Variants in AKAP7 observed in about 807,000 individuals in gnomAD.
AKAP7 encodes the protein A-kinase anchoring protein 7.
In AKAP7, 39 loss-of-function variants were observed where a neutral mutation model predicts 39.5. That is an observed-to-expected ratio of 0.99 (90% confidence interval 0.76 to 1.29). The LOEUF is 1.29. Among genes scored for constraint, AKAP7 ranks in the 50% most tolerant of loss-of-function variants. AKAP7 has a pLI of 0.00. For missense variants in AKAP7, 414 were observed against 407.7 expected (o/e 1.02, Z -0.13); for synonymous variants, 140 against 139.1 (o/e 1.01, Z -0.05).
At chr6:131,128,597 C>A in the AKAP7 span, among the ~76,000 whole-genome samples, 2 of 151,868 alleles carry the variant, frequency 1.3e-5, no homozygotes, top group African/African-American at 4.8e-5. Context: ...CCAAGGCAGG[C>A]GGATCCCCTG....
rs981090079 is a variant in AKAP7 at position 131,181,388 on chromosome 6, C to T, written c.589+12115C>T. ...GCTGTAAATTTTCTGTCTTAAATAT[C>T]ACTCCCATTCGTTCCCTACTTTCTG... On this transcript the variant is annotated intron_variant, in intron 5 of 7. Coordinates refer to ENST00000431975, the MANE Select transcript of AKAP7 (RefSeq NM_016377.4). Among the ~76,000 whole-genome samples, 6 of 152,256 alleles carry T rather than the reference C, an allele frequency of 3.9e-5. No individual in the cohort carries two copies. In the East Asian group the frequency reaches 1.2e-3, roughly 29 times the overall value.
rs555161255 is a variant in AKAP7 at position 131,282,902 on chromosome 6, G to A, written c.*1176G>A. 3 of 252,694 alleles carry A rather than the reference G, an allele frequency of 1.2e-5. No individual in the cohort carries two copies. Among genetic ancestry groups the A allele is most frequent in the South Asian group, 8.7e-5 (1 of 11,464 alleles). 15.7% of individuals were successfully genotyped at this position (252,694 alleles called of 1,614,324 possible). ...CCTTGCAGAAAAAAACATACAGACT[G>A]TGAACAAATCATTCACAAACAGAAT... On this transcript the variant is annotated 3_prime_UTR_variant, in exon 8 of 8. Coordinates refer to ENST00000431975, the MANE Select transcript of AKAP7 (RefSeq NM_016377.4).
intron 7 of AKAP7, among the ~76,000 whole-genome samples, chr6:131,278,625 C>T (rs1814940036): frequency 6.6e-6 from 1 of 152,286 alleles, no homozygotes; most frequent in African/African-American, 2.4e-5. Context: ...GAAGGGGAAG[C>T]AGGCATATCT....
intron 1 of AKAP7, among the ~76,000 whole-genome samples, chr6:131,143,745 T>TCATTTTTA (rs531592360): frequency 7.0e-6 from 1 of 143,494 alleles, no homozygotes; most frequent in African/African-American, 2.7e-5. Context: ...ATTCTTTTTT[T>TCATTTTTA]TTTTTTATTT....
chr6:131,276,976 A>G (rs541802084), intron 7 of AKAP7, among the ~76,000 whole-genome samples: 38 of 152,328 alleles, frequency 2.5e-4, no homozygotes, highest in Non-Finnish European at 2.9e-4. Flanking sequence ...TTTTCGCAGT[A>G]GGTGTAAAAT....
At chr6:131,160,315 C>A in intron 3 of AKAP7, 117 bp downstream of exon 3, 3 of 943,052 alleles carry the variant, frequency 3.2e-6, no homozygotes, top group Middle Eastern at 3.3e-4. Flanking sequence ...GGCATTTTAG[C>A]AGGACTGTCC....
intron 6 of AKAP7, among the ~76,000 whole-genome samples, chr6:131,207,216 A>T (rs1808188838): frequency 2.0e-5 from 3 of 152,056 alleles, no homozygotes; most frequent in Admixed American, 2.0e-4. Context: ...AAGGTCTTCA[A>T]GTACTGATAG....
At chr6:131,192,313 C>T (rs543140777) in intron 5 of AKAP7, among the ~76,000 whole-genome samples, 1 of 152,118 alleles carries the variant, frequency 6.6e-6, no homozygotes, top group African/African-American at 2.4e-5. Context: ...ATGTGGATAC[C>T]CAGTTTTCCC....
chr6:131,261,453 A>G (rs1813328278), intron 7 of AKAP7, among the ~76,000 whole-genome samples: 1 of 152,136 alleles, frequency 6.6e-6, no homozygotes, highest in Non-Finnish European at 1.5e-5. Flanking sequence ...ATTTTTATGA[A>G]ACTATTTTGT....
intron 6 of AKAP7, among the ~76,000 whole-genome samples, chr6:131,218,665 T>C (rs1233793070): frequency 2.0e-5 from 3 of 152,210 alleles, no homozygotes; most frequent in African/African-American, 7.2e-5. Context: ...CAGAGGCAGA[T>C]ATATTCTTTC....
chr6:131,242,316 G>A (rs188285571), intron 7 of AKAP7: 13 of 577,162 alleles, frequency 2.3e-5, no homozygotes, highest in African/African-American at 8.1e-5. Flanking sequence ...CATAATAAGC[G>A]GAAGCTTTTA....
intron 2 of AKAP7, among the ~76,000 whole-genome samples, chr6:131,158,090 A>G (rs1263247872): frequency 1.3e-5 from 2 of 152,238 alleles, no homozygotes; most frequent in African/African-American, 4.8e-5. Context: ...CATTAACTTA[A>G]AATTGTTTAC....
chr6:131,165,061 ATGTG>A lies in AKAP7; in HGVS notation c.292-16_292-13del, dbSNP rs1803349324. On this transcript the variant is annotated splice_polypyrimidine_tract_variant and intron_variant, in intron 3 of 7. Coordinates refer to ENST00000431975, the MANE Select transcript of AKAP7 (RefSeq NM_016377.4). Reference sequence around the variant, plus strand: ...ACCTAATCACTGGAATTTTTTTTATATGTGTGTATGTGTTATTAGATTATAAAAG... The same window carrying A: ...ACCTAATCACTGGAATTTTTTTTATATGTATGTGTTATTAGATTATAAAAG... 1 of 1,517,184 alleles carries A rather than the reference ATGTG, an allele frequency of 6.6e-7. No individual in the cohort carries two copies. The highest frequency in any genetic ancestry group is 1.4e-5 in the African/African-American group (1 of 70,362). 94.0% of individuals were successfully genotyped at this position (1,517,184 alleles called of 1,614,324 possible).
At chr6:131,270,568 T>C (rs956553787) in intron 7 of AKAP7, among the ~76,000 whole-genome samples, 1 of 152,236 alleles carries the variant, frequency 6.6e-6, no homozygotes, top group Non-Finnish European at 1.5e-5. Flanking sequence ...TTTCATTTTA[T>C]TTGATTTCAA....
chr6:131,234,891 TA>T (rs1050405720), intron 7 of AKAP7, among the ~76,000 whole-genome samples: 2 of 151,866 alleles, frequency 1.3e-5, no homozygotes, highest in Admixed American at 6.6e-5. Flanking sequence ...TTTTTTATTT[TA>T]TTTTTTTATT....
chr6:131,152,991 A>G (rs1303376509), intron 2 of AKAP7, among the ~76,000 whole-genome samples: 6 of 151,964 alleles, frequency 3.9e-5, no homozygotes, highest in Admixed American at 2.0e-4. Context: ...TTAGCTGGGC[A>G]TGGTGGCGTG....
At chr6:131,272,514 A>G (rs1319025291) in intron 7 of AKAP7, among the ~76,000 whole-genome samples, 2 of 152,224 alleles carry the variant, frequency 1.3e-5, no homozygotes, top group African/African-American at 4.8e-5. Context: ...TGTATAAAGT[A>G]CAGCTTTAGC....
At chr6:131,184,139 G>A (rs755385436) in intron 5 of AKAP7, among the ~76,000 whole-genome samples, 5 of 152,332 alleles carry the variant, frequency 3.3e-5, no homozygotes, top group South Asian at 2.1e-4. Flanking sequence ...CTCCTTGAGG[G>A]CCTAGGGCCA....
chr6:131,270,760 T>C (rs1437690780), intron 7 of AKAP7, among the ~76,000 whole-genome samples: 1 of 152,224 alleles, frequency 6.6e-6, no homozygotes, highest in Non-Finnish European at 1.5e-5. Context: ...TAATTGACAG[T>C]CATTCTGTTG....
Sources: allele counts gnomAD v4.1 joint callset (sites outside exome capture counted in the v4.1 genomes callset), GRCh38; gene constraint gnomAD v4.1.1; transcripts MANE v1.5; gene names NCBI Gene and HGNC (gene_info 2026-07-23, HGNC 2026-07-21).